Variants in UGT1A9 observed in about 807,000 individuals in gnomAD.
UGT1A9 encodes UDP-glucuronosyltransferase 1A9.
In UGT1A9, 35 loss-of-function variants were observed where a neutral mutation model predicts 45.0. That is an observed-to-expected ratio of 0.78 (90% confidence interval 0.59 to 1.03). The LOEUF (loss-of-function observed/expected upper bound fraction) is 1.03, where lower values mean the gene tolerates loss of function less well. Ranked by LOEUF, UGT1A9 falls within the 50% of genes least tolerant of loss-of-function variation. UGT1A9 has a pLI of 0.00. For missense variants in UGT1A9, 687 were observed against 666.6 expected, an observed-to-expected ratio of 1.03 and a Z score of -0.34; for synonymous variants, 278 against 250.6, an observed-to-expected ratio of 1.11 and a Z score of -1.03.
intron 1 of UGT1A9, among the ~76,000 whole-genome samples, chr2:233,749,973 G>A (rs1482988958): frequency 6.6e-6 from 1 of 151,850 alleles, no homozygotes; most frequent in Non-Finnish European, 1.5e-5. Flanking sequence ...CTTTATAGCA[G>A]TGTGAGAATG....
At chr2:233,760,161 T>G (rs768792415) in intron 1 of UGT1A9, 27 of 1,512,160 alleles carry the variant, frequency 1.8e-5, no homozygotes, top group Non-Finnish European at 2.3e-5. Context: ...CCTGCTACCT[T>G]TGTGGACTGA....
At position 233,672,714 on chromosome 2, in the gene UGT1A9, C is replaced by G. The variant is rs200148096; in HGVS notation, c.780C>G (p.Asp260Glu). The change falls in exon 1 of 5, where the codon GAC becomes GAG. Residue 260 changes from aspartate to glutamate, a missense_variant. Transcript: ENST00000354728. ...IWLLRTDFVL[D>E]YPKPVMPNMI... ...TGTTGCGAACGGACTTTGTTTTGGA[C>G]TATCCCAAACCCGTGATGCCCAACA... is the stretch of plus-strand genomic sequence containing the variant. 162 of 1,613,924 alleles carry G rather than the reference C, an allele frequency of 1.0e-4. 1 individual carries two copies. In the East Asian group the frequency reaches 2.1e-3, roughly 21 times the overall value.
chr2:233,704,888 CT>C lies in UGT1A9; in HGVS notation c.855+32102del, dbSNP rs1342993074. On this transcript the variant is annotated intron_variant, in intron 1 of 4. Transcript: ENST00000354728. ...GTGGCTCACTCCTGTAATCCCAGCA[CT>C]TTGGAAGGCTGAGGCAGGTGGATCA... Among the ~76,000 whole-genome samples the C allele has an allele frequency of 1.2e-4, 18 of 152,168 alleles. No individual in the cohort carries two copies. The East Asian group carries it at 3.5e-3, about 29-fold the overall frequency.
chr2:233,745,916 A>G (rs1693246629), intron 1 of UGT1A9, among the ~76,000 whole-genome samples: 1 of 151,488 alleles, frequency 6.6e-6, no homozygotes. Flanking sequence ...CAGCTGAGGC[A>G]GTGATTCAGA....
In UGT1A9 at chr2:233,773,267, C is replaced by T. The variant is rs1428279395; in HGVS notation, c.*708C>T. ...ACTTTTTTTCTGATGTTTCCTACAA[C>T]TAAAAATAAATTAATAAATTTATAT... On this transcript the variant is annotated 3_prime_UTR_variant, in exon 5 of 5. Transcript: ENST00000354728. 6.6e-6 allele frequency: 1 copy of T among 152,172 alleles called. No individual in the cohort carries two copies. Among genetic ancestry groups the T allele is most frequent in the Non-Finnish European group, 1.5e-5 (1 of 68,020 alleles). The allele number at this position is 152,172 out of a possible 1,614,324, so 9.4% of individuals were successfully genotyped here. A position where few individuals can be genotyped will look rare whatever the true frequency, so the allele number is the denominator to read the frequency against.
chr2:233,753,461 T>C (rs1419895967), intron 1 of UGT1A9: 1 of 152,272 alleles, frequency 6.6e-6, no homozygotes, highest in Non-Finnish European at 1.5e-5. Context: ...ATGATTTTTC[T>C]GTAAAAAATT....
At chr2:233,725,508 T>G (rs1448108269) in intron 1 of UGT1A9, among the ~76,000 whole-genome samples, 1 of 151,984 alleles carries the variant, frequency 6.6e-6, no homozygotes, top group East Asian at 1.9e-4. Context: ...TGAAATTAAT[T>G]TTACTAAGGC....
intron 1 of UGT1A9, among the ~76,000 whole-genome samples, chr2:233,737,855 A>G (rs577176217): frequency 2.6e-5 from 4 of 152,218 alleles, no homozygotes; most frequent in East Asian, 1.9e-4. Context: ...CACTCTTGCT[A>G]TGCCCCTTAA....
chr2:233,697,214 T>C (rs919890050), intron 1 of UGT1A9, among the ~76,000 whole-genome samples: 2 of 152,152 alleles, frequency 1.3e-5, no homozygotes, highest in Non-Finnish European at 2.9e-5. Flanking sequence ...GTCCTGGGCT[T>C]TTCTTTGATG....
intron 1 of UGT1A9, among the ~76,000 whole-genome samples, chr2:233,684,305 C>T (rs918223536): frequency 8.5e-5 from 13 of 152,174 alleles, no homozygotes; most frequent in Non-Finnish European, 1.8e-4. Context: ...CAAGACCAGG[C>T]GAGGAGATGC....
intron 1 of UGT1A9, chr2:233,713,817 A>C: frequency 1.2e-6 from 2 of 1,614,092 alleles, no homozygotes; most frequent in East Asian, 2.2e-5. Flanking sequence ...CATGGTCTTC[A>C]TTGGGGGCAT....
chr2:233,711,268 G>A (rs1198771284), intron 1 of UGT1A9, among the ~76,000 whole-genome samples: 2 of 152,206 alleles, frequency 1.3e-5, no homozygotes, highest in Non-Finnish European at 2.9e-5. Flanking sequence ...CCTCCCCAGG[G>A]TCTAGGAGTC....
chr2:233,681,906 C>T (rs1352844519), intron 1 of UGT1A9: 1 of 1,596,660 alleles, frequency 6.3e-7, no homozygotes, highest in South Asian at 1.1e-5. Context: ...AGCTTAGAAT[C>T]CCAGCTGCTG....
At chr2:233,698,157 G>A (rs1238708263) in intron 1 of UGT1A9, among the ~76,000 whole-genome samples, 4 of 152,108 alleles carry the variant, frequency 2.6e-5, no homozygotes, top group African/African-American at 7.2e-5. Context: ...CCAGCATGTC[G>A]TCCTAGAGAA....
intron 1 of UGT1A9, among the ~76,000 whole-genome samples, chr2:233,696,822 T>C (rs527873839): frequency 1.6e-4 from 24 of 152,304 alleles, no homozygotes; most frequent in African/African-American, 5.8e-4. Context: ...TTATTGAGAG[T>C]GTGTATCATA....
At chr2:233,693,057 T>C (rs765274769) in intron 1 of UGT1A9, 1 of 1,614,190 alleles carries the variant, frequency 6.2e-7, no homozygotes, top group Non-Finnish European at 8.5e-7. Flanking sequence ...GTTTTCTTCT[T>C]AGCACTTTGG....
intron 1 of UGT1A9, among the ~76,000 whole-genome samples, chr2:233,711,237 C>T (rs1027973680): frequency 3.3e-5 from 5 of 152,218 alleles, no homozygotes; most frequent in African/African-American, 7.2e-5. Flanking sequence ...GAAGGCACCA[C>T]CATCTTCCAA....
chr2:233,700,300 T>C (rs777696767), intron 1 of UGT1A9, among the ~76,000 whole-genome samples: 9 of 152,238 alleles, frequency 5.9e-5, no homozygotes, highest in Non-Finnish European at 1.0e-4. Context: ...CTTAGGCCAA[T>C]GTCTACAATG....
At chr2:233,692,087 A>T (rs2075077184) in intron 1 of UGT1A9, 1 of 152,214 alleles carries the variant, frequency 6.6e-6, no homozygotes, top group Admixed American at 6.5e-5. Flanking sequence ...TTGAAGATTG[A>T]TTTGATCACC....
Sources: allele counts gnomAD v4.1 joint callset (sites outside exome capture counted in the v4.1 genomes callset), GRCh38; gene constraint gnomAD v4.1.1; transcripts MANE v1.5; gene names NCBI Gene and HGNC (gene_info 2026-07-23, HGNC 2026-07-21).